Variants in PIK3C2G observed in about 807,000 individuals in gnomAD.
The protein encoded by PIK3C2G is phosphatidylinositol-4-phosphate 3-kinase catalytic subunit type 2 gamma.
In PIK3C2G, 168 loss-of-function variants were observed where a neutral mutation model predicts 181.1. The ratio of observed to expected loss-of-function variants is 0.93; its 90% confidence interval spans 0.82 to 1.05. The LOEUF (loss-of-function observed/expected upper bound fraction) is 1.05, where lower values mean the gene tolerates loss of function less well. PIK3C2G is among the 50% of genes least tolerant of loss of function. PIK3C2G has a pLI of 0.00. For synonymous variants in PIK3C2G, 573 were observed against 592.2 expected (o/e 0.97, Z 0.47); for missense variants, 1,869 against 1,732.8 (o/e 1.08, Z -1.40).
At chr12:18,294,150 C>T (rs1011637334) in intron 5 of PIK3C2G, 135 bp downstream of exon 5, 2 of 548,862 alleles carry the variant, frequency 3.6e-6, no homozygotes, top group East Asian at 3.1e-5. Flanking sequence ...ACCCCCTTTG[C>T]AGTGAATTTG....
intron 18 of PIK3C2G, among the ~76,000 whole-genome samples, chr12:18,458,552 C>T (rs1012312791): frequency 6.6e-6 from 1 of 152,124 alleles, no homozygotes; most frequent in East Asian, 1.9e-4. Context: ...CTAGCCAGAT[C>T]CCCTGCCCTA....
intron 1 of PIK3C2G, among the ~76,000 whole-genome samples, chr12:18,263,584 G>A (rs1317580875): frequency 1.3e-5 from 2 of 152,050 alleles, no homozygotes; most frequent in Non-Finnish European, 2.9e-5. Flanking sequence ...TTATTTTTAA[G>A]TATAAATCTG....
chr12:18,356,961 G>A (rs959315886), intron 11 of PIK3C2G, among the ~76,000 whole-genome samples: 5 of 152,006 alleles, frequency 3.3e-5, no homozygotes, highest in African/African-American at 1.2e-4. Context: ...CAGGCTTGAG[G>A]GTGAGGCTTT....
Position 18,648,275 on chromosome 12 carries a change from A to G in PIK3C2G, c.*247A>G. The G allele has an allele frequency of 3.8e-6, 1 of 262,646 alleles. No homozygotes were observed. The highest frequency in any genetic ancestry group is 1.1e-3 in the Middle Eastern group (1 of 900). 16.3% of individuals were successfully genotyped at this position (262,646 alleles called of 1,614,324 possible). A position where few individuals can be genotyped will look rare whatever the true frequency, so the allele number is the denominator to read the frequency against. Reference sequence around the variant, plus strand: ...GAAATTTGATGTGTAAAATAATAAAAGACCTTTATTAAATCATTTTAATAT... The same window carrying G: ...GAAATTTGATGTGTAAAATAATAAAGGACCTTTATTAAATCATTTTAATAT... On this transcript the variant is annotated 3_prime_UTR_variant, in exon 33 of 33. Coordinates refer to ENST00000538779, the MANE Select transcript of PIK3C2G (RefSeq NM_001288772.2).
chr12:18,494,157 CTGAT>C (rs932677471), intron 20 of PIK3C2G, among the ~76,000 whole-genome samples: 1 of 152,164 alleles, frequency 6.6e-6, no homozygotes, highest in African/African-American at 2.4e-5. Flanking sequence ...CTCTAAGACT[CTGAT>C]TAATTCTTCC....
chr12:18,295,038 C>T (rs959233033), intron 5 of PIK3C2G, among the ~76,000 whole-genome samples: 10 of 150,010 alleles, frequency 6.7e-5, no homozygotes, highest in African/African-American at 2.4e-4. Context: ...AATAATATTT[C>T]ATTATTATTT....
At chr12:18,626,477 T>G (rs1001036579) in intron 31 of PIK3C2G, among the ~76,000 whole-genome samples, 1 of 152,020 alleles carries the variant, frequency 6.6e-6, no homozygotes, top group African/African-American at 2.4e-5. Context: ...GTGTTCTGAA[T>G]GTTGTTCGGT....
At chr12:18,629,712 A>T (rs1949265404) in intron 31 of PIK3C2G, among the ~76,000 whole-genome samples, 1 of 152,138 alleles carries the variant, frequency 6.6e-6, no homozygotes, top group South Asian at 2.1e-4. Flanking sequence ...ATTACTCCTG[A>T]TTAGCCACAA....
At chr12:18,362,094 G>A (rs958872155) in intron 11 of PIK3C2G, among the ~76,000 whole-genome samples, 1 of 152,034 alleles carries the variant, frequency 6.6e-6, no homozygotes, top group African/African-American at 2.4e-5. Context: ...TGGAATGTTG[G>A]ACACACGAAT....
chr12:18,384,751 T>G (rs970321232), intron 14 of PIK3C2G, among the ~76,000 whole-genome samples: 1 of 152,150 alleles, frequency 6.6e-6, no homozygotes, highest in Non-Finnish European at 1.5e-5. Flanking sequence ...AAGATCTGGA[T>G]CCATAATAGA....
upstream of PIK3C2G, among the ~76,000 whole-genome samples, chr12:18,244,803 A>G (rs11835608): frequency 1.3e-3 from 194 of 152,232 alleles, 2 homozygotes; most frequent in African/African-American, 4.4e-3. Flanking sequence ...GAAGCAATGT[A>G]TGGCAATATG....
At chr12:18,603,543 A>C (rs1380700709) in intron 30 of PIK3C2G, among the ~76,000 whole-genome samples, 3 of 151,630 alleles carry the variant, frequency 2.0e-5, no homozygotes, top group Non-Finnish European at 4.4e-5. Context: ...TTCCTGGCAA[A>C]AAGTTCTTCT....
At chr12:18,517,718 C>G (rs866708874) in intron 24 of PIK3C2G, among the ~76,000 whole-genome samples, 84 of 152,202 alleles carry the variant, frequency 5.5e-4, no homozygotes, top group African/African-American at 1.6e-3. Flanking sequence ...TTTGAATACT[C>G]TTTATTTCTT....
At chr12:18,274,103 A>C (rs1948869704) in intron 1 of PIK3C2G, among the ~76,000 whole-genome samples, 1 of 152,332 alleles carries the variant, frequency 6.6e-6, no homozygotes, top group East Asian at 1.9e-4. Context: ...CCACAATGAG[A>C]TACCACCTCA....
chr12:18,254,622 A>C (rs1345907950), intron 1 of PIK3C2G, among the ~76,000 whole-genome samples: 4 of 151,914 alleles, frequency 2.6e-5, no homozygotes, highest in Non-Finnish European at 5.9e-5. Context: ...AGGCAGGTGG[A>C]TCATGAGGTC....
intron 11 of PIK3C2G, among the ~76,000 whole-genome samples, chr12:18,355,089 A>G (rs1251529867): frequency 6.6e-6 from 1 of 152,182 alleles, no homozygotes; most frequent in Non-Finnish European, 1.5e-5. Context: ...GCCTCCTTCC[A>G]TGACGTGGAG....
At chr12:18,571,779 G>T (rs116460793) in intron 29 of PIK3C2G, among the ~76,000 whole-genome samples, 2,148 of 150,408 alleles carry the variant, frequency 0.014, 203 homozygotes, top group African/African-American at 0.051. Flanking sequence ...ACACAGATGG[G>T]TTTTTTTCTA....
Position 18,286,935 on chromosome 12 carries a change from TA to T in PIK3C2G, c.761+7del. 1.3e-6 allele frequency: 2 copies of T among 1,484,938 alleles called. No homozygotes were observed. The highest frequency in any genetic ancestry group is 1.8e-6 in the Non-Finnish European group (2 of 1,096,026). The allele number at this position is 1,484,938 out of a possible 1,614,324, so 92.0% of individuals were successfully genotyped here. A position where few individuals can be genotyped will look rare whatever the true frequency, so the allele number is the denominator to read the frequency against. On this transcript the variant is annotated splice_region_variant and intron_variant, in intron 3 of 32. Coordinates refer to ENST00000538779, the MANE Select transcript of PIK3C2G (RefSeq NM_001288772.2). The stretch of plus-strand genomic sequence containing the variant: ...TTTTGCAACAAAGTAAAAAAGTGAG[TA>T]CTGGTATTTCATTAAACTTTGAAAT...
At chr12:18,536,440 G>A (rs1029968760) in intron 24 of PIK3C2G, among the ~76,000 whole-genome samples, 6 of 152,036 alleles carry the variant, frequency 3.9e-5, no homozygotes, top group Admixed American at 6.6e-5. Flanking sequence ...ATTAGAGAAC[G>A]GAGAGATTAA....
Sources: allele counts gnomAD v4.1 joint callset (sites outside exome capture counted in the v4.1 genomes callset), GRCh38; gene constraint gnomAD v4.1.1; transcripts MANE v1.5; gene names NCBI Gene and HGNC (gene_info 2026-07-23, HGNC 2026-07-21).